Variants in TULP1 observed in about 807,000 individuals in gnomAD.
TULP1 encodes the protein tubby-related protein 1.
In TULP1, 50 loss-of-function variants were observed where a neutral mutation model predicts 67.1. The observed-to-expected ratio is 0.75, with a 90% CI of 0.59 to 0.94. The LOEUF (loss-of-function observed/expected upper bound fraction) is 0.94, where lower values mean the gene tolerates loss of function less well. Ranked by LOEUF, TULP1 falls within the 40% of genes least tolerant of loss-of-function variation. TULP1 has a pLI of 0.00. For synonymous variants in TULP1, 297 were observed against 294.0 expected, an observed-to-expected ratio of 1.01 and a Z score of -0.11; for missense variants, 746 against 734.1, an observed-to-expected ratio of 1.02 and a Z score of -0.19.
At chr6:35,502,819 C>G (rs1760994881) in intron 13 of TULP1, among the ~76,000 whole-genome samples, 2 of 151,856 alleles carry the variant, frequency 1.3e-5, no homozygotes, top group Admixed American at 6.6e-5. Context: ...CACCATAGCA[C>G]TTACCACCTT....
rs1384077489 is a variant in TULP1 at position 35,503,918 on chromosome 6, C to T, written c.1113-70G>A. 1 of 1,225,874 alleles carries T rather than the reference C, an allele frequency of 8.2e-7. No homozygotes were observed. The highest frequency in any genetic ancestry group is 1.2e-6 in the Non-Finnish European group (1 of 862,944). The allele number at this position is 1,225,874 out of a possible 1,614,324, so 75.9% of individuals were successfully genotyped here. ...ATCCCTGCCCCAGGCCCCTTCCACA[C>T]AGCCAAGCAGTTTAGAGAGCTTCCT... On this transcript the variant is annotated intron_variant, in intron 11 of 14. Transcript: ENST00000229771. This position sits in a 1 kb window ranked among gnomAD's most constrained non-coding sequence, Gnocchi z 4.0.
Position 35,498,526 on chromosome 6 carries a change from G to A in TULP1, c.1496-66C>T. The A allele has an allele frequency of 6.2e-7, 1 of 1,607,688 alleles. No individual in the cohort carries two copies. The highest frequency in any genetic ancestry group is 8.5e-7 in the Non-Finnish European group (1 of 1,177,742). ...TTGGACCCCCATCCTGGCAGACAGT[G>A]CCCTCAACCTTGGGGGCAGTCTGTC... On this transcript the variant is annotated intron_variant, in intron 14 of 14. Transcript: ENST00000229771. This position sits in a 1 kb window ranked among gnomAD's most constrained non-coding sequence, Gnocchi z 6.7.
chr6:35,512,626 T>G lies in TULP1; in HGVS notation c.99+13A>C. 5 of 1,613,818 alleles carry G rather than the reference T, an allele frequency of 3.1e-6. No individual in the cohort carries two copies. Among genetic ancestry groups the G allele is most frequent in the Non-Finnish European group, 4.2e-6 (5 of 1,179,914 alleles). ...GACATCTTTCTGCTTCCTTTCCAAG[T>G]GGGGTGGCATACCTGTTTGGGGCGC... On this transcript the variant is annotated intron_variant, in intron 2 of 14. Transcript: ENST00000229771.
intron 13 of TULP1, 78 bp from the exon 14 acceptor site, chr6:35,500,230 G>A: frequency 6.6e-7 from 1 of 1,525,282 alleles, no homozygotes; most frequent in South Asian, 1.1e-5. Context: ...CCGGAGAAGG[G>A]GCCTGGGCAT....
chr6:35,509,995 C>A, intron 5 of TULP1, 67 bp from the exon 6 acceptor site: 1 of 1,482,012 alleles, frequency 6.7e-7, no homozygotes, highest in Non-Finnish European at 9.4e-7. Context: ...CCTTCCAACC[C>A]TCTTGTCCTG....
chr6:35,512,597 C>A, intron 2 of TULP1, 42 bp downstream of exon 2: 1 of 1,613,684 alleles, frequency 6.2e-7, no homozygotes, highest in Non-Finnish European at 8.5e-7. Context: ...TTACGCACAG[C>A]GGGGACATCT....
chr6:35,507,074 G>A (rs1351762992), intron 8 of TULP1, among the ~76,000 whole-genome samples: 2 of 152,070 alleles, frequency 1.3e-5, no homozygotes, highest in Non-Finnish European at 2.9e-5. Context: ...CCTGTGACCA[G>A]TAGAATATGG....
At chr6:35,504,752 G>GA (rs2150924726) in intron 11 of TULP1, among the ~76,000 whole-genome samples, 1 of 150,872 alleles carries the variant, frequency 6.6e-6, no homozygotes, top group East Asian at 1.9e-4. Context: ...ATTTTTAGTA[G>GA]AGACGGGGTT....
rs139648130 is a variant in TULP1 at position 35,505,752 on chromosome 6, G to A, written c.1101C>T (p.Ile367=). Residue 367 remains isoleucine (I), a synonymous_variant, in exon 11 of 15, where the codon ATC becomes ATT. Transcript: ENST00000229771. The part of the protein sequence containing the change: ...TNLSRGGENF[I]GKLRSNLLGN... ...AAGCCCAGCCCCACCTCAGCTTCCC[G>A]ATGAAATTCTCCCCTCCTCGGGACA... 135 of 1,614,146 alleles carry A rather than the reference G, an allele frequency of 8.4e-5. No individual in the cohort carries two copies. Among genetic ancestry groups the A allele is most frequent in the Admixed American group, 2.8e-4 (17 of 60,016 alleles).
Position 35,506,298 on chromosome 6 carries a change from G to C in TULP1, c.823-19C>G, listed in dbSNP as rs752840216. The C allele has an allele frequency of 1.3e-6, 2 of 1,560,500 alleles. No individual in the cohort carries two copies. Among genetic ancestry groups the C allele is most frequent in the Non-Finnish European group, 1.7e-6 (2 of 1,153,054 alleles). On this transcript the variant is annotated intron_variant, in intron 8 of 14. Coordinates refer to ENST00000229771, the MANE Select transcript of TULP1 (RefSeq NM_003322.6). ...CCGCTTTCTGTGTGCGGAGAGAACA[G>C]AGAGGCTGGCTAGAGCAGGGGCCGC...
At chr6:35,502,790 C>T (rs1760994462) in intron 13 of TULP1, among the ~76,000 whole-genome samples, 2 of 152,048 alleles carry the variant, frequency 1.3e-5, no homozygotes, top group South Asian at 2.1e-4. Context: ...TGAGCCACTG[C>T]ACCTGGTCTG....
chr6:35,504,613 T>A (rs1460986793), intron 11 of TULP1, among the ~76,000 whole-genome samples: 1 of 151,912 alleles, frequency 6.6e-6, no homozygotes. Flanking sequence ...CAGGCTGGAG[T>A]GCAGTGGCAT....
intron 3 of TULP1, 130 bp downstream of exon 3, chr6:35,512,050 C>T (rs1761218005): frequency 5.4e-6 from 3 of 558,074 alleles, no homozygotes; most frequent in Non-Finnish European, 2.9e-6. Context: ...AATCCCTCCC[C>T]TCTCATCACT....
intron 11 of TULP1, chr6:35,504,175 C>A: frequency 3.3e-6 from 1 of 303,780 alleles, no homozygotes; most frequent in South Asian, 3.3e-5. Flanking sequence ...CGCCCTCTGC[C>A]CCCCACCTGC....
Position 35,509,904 on chromosome 6 carries a change from G to A in TULP1, c.524C>T (p.Pro175Leu), listed in dbSNP as rs149292221. The A allele has an allele frequency of 1.5e-5, 25 of 1,613,710 alleles. No homozygotes were observed. Among genetic ancestry groups the A allele is most frequent in the Middle Eastern group, 3.3e-4 (2 of 6,084 alleles). The change falls in exon 6 of 15, where the codon CCA becomes CTA. Residue 175 changes from proline to leucine, a missense_variant. Pro to Leu is a moderately conservative substitution (Grantham distance 98, BLOSUM62 -3). Coordinates refer to ENST00000229771, the MANE Select transcript of TULP1 (RefSeq NM_003322.6). ...PRGDLGSPDP[P>L]PKPLRVRNKE... The stretch of plus-strand genomic sequence containing the variant: ...ATTCCTAACACGCAGAGGTTTCGGT[G>A]GGGGGTCAGGGCTTCCCAGGTCTCC...
At chr6:35,512,122 C>A (rs1157209311) in intron 3 of TULP1, 58 bp downstream of exon 3, 3 of 1,157,216 alleles carry the variant, frequency 2.6e-6, no homozygotes, top group African/African-American at 3.1e-5. Flanking sequence ...GGCCCTCAAG[C>A]CCCTCCCTTC....
Position 35,512,012 on chromosome 6 carries a change from C to T in TULP1, c.190+168G>A, listed in dbSNP as rs1308011308. ...TCTACCCCAACGCCACCCCCTTCTA[C>T]ACCAACCCCAACCCCAACCCCAACC... On this transcript the variant is annotated intron_variant, in intron 3 of 14. Transcript: ENST00000229771. 17 of 624,576 alleles carry T rather than the reference C, an allele frequency of 2.7e-5. No individual in the cohort carries two copies. The African/African-American group carries it at 3.3e-4, about 12-fold the overall frequency. The allele number at this position is 624,576 out of a possible 1,614,324, so 38.7% of individuals were successfully genotyped here.
At chr6:35,509,413 A>G (rs1761151275) in intron 7 of TULP1, 101 bp from the exon 8 acceptor site, 2 of 1,216,022 alleles carry the variant, frequency 1.6e-6, no homozygotes, top group African/African-American at 3.0e-5. Context: ...CAACCACAAG[A>G]GAGTCGACCC....
intron 8 of TULP1, among the ~76,000 whole-genome samples, chr6:35,508,202 A>G (rs895902168): frequency 2.0e-5 from 3 of 152,224 alleles, no homozygotes; most frequent in Non-Finnish European, 4.4e-5. Flanking sequence ...CTCAGGGACA[A>G]GTGATCACCT....
Sources: gnomAD v4.1 joint callset for allele counts (sites outside exome capture counted in the v4.1 genomes callset) on GRCh38, gnomAD v4.1.1 for gene constraint, Gnocchi (gnomAD v3.1) non-coding constraint, MANE v1.5 for transcripts, NCBI Gene and HGNC (gene_info 2026-07-23, HGNC 2026-07-21) for gene names.